Variants in FAT3 observed in about 807,000 individuals in gnomAD.
FAT3 encodes the protein FAT atypical cadherin 3.
A neutral mutation model predicts 310.2 loss-of-function variants in FAT3; 95 were observed. That is an observed-to-expected ratio of 0.31 (90% CI 0.26 to 0.36). FAT3 has a LOEUF of 0.36. FAT3 is among the 10% of genes least tolerant of loss of function. The pLI is 1.00. For synonymous variants in FAT3, 2,314 were observed against 2,192.9 expected (o/e 1.06, Z -1.54); for missense variants, 5,408 against 5,715.6 (o/e 0.95, Z 1.74).
chr11:92,662,225 C>T (rs1199584582), intron 3 of FAT3, among the ~76,000 whole-genome samples: 1 of 152,150 alleles, frequency 6.6e-6, no homozygotes, highest in African/African-American at 2.4e-5. Context: ...TGCCAGGAGC[C>T]ATTATCAGGA....
chr11:92,758,433 C>T (rs988351156), intron 4 of FAT3, among the ~76,000 whole-genome samples: 2 of 152,166 alleles, frequency 1.3e-5, no homozygotes, highest in African/African-American at 4.8e-5. Flanking sequence ...CAGGAGAGGG[C>T]ATTCCATGAA....
chr11:92,704,292 C>T (rs377199511), intron 4 of FAT3, among the ~76,000 whole-genome samples: 4 of 152,190 alleles, frequency 2.6e-5, no homozygotes, highest in South Asian at 4.1e-4. Context: ...ACAAGGCTCA[C>T]TCTGCTGCTG....
intron 3 of FAT3, among the ~76,000 whole-genome samples, chr11:92,674,905 A>G (rs1047021587): frequency 5.9e-5 from 9 of 152,184 alleles, no homozygotes; most frequent in Non-Finnish European, 1.3e-4. Flanking sequence ...GGAGCACGAT[A>G]AATGAGTTCT....
At chr11:92,499,618 T>C (rs1261030509) in intron 2 of FAT3, among the ~76,000 whole-genome samples, 1 of 152,018 alleles carries the variant, frequency 6.6e-6, no homozygotes, top group Non-Finnish European at 1.5e-5. Context: ...TGACCCTAGC[T>C]GACTGCCCAG....
chr11:92,286,104 A>C (rs956026459), intron 1 of FAT3, among the ~76,000 whole-genome samples: 11 of 152,050 alleles, frequency 7.2e-5, no homozygotes, highest in African/African-American at 2.4e-4. Context: ...GTTGACCTGA[A>C]GCTTTAGATC....
chr11:92,889,691 G>GT (rs1287987609), intron 26 of FAT3, among the ~76,000 whole-genome samples, 165 bp from the exon 27 acceptor site: 2 of 152,084 alleles, frequency 1.3e-5, no homozygotes, highest in Admixed American at 6.5e-5. Flanking sequence ...GTTTTGCTTT[G>GT]TTTTTTCCCT....
intron 4 of FAT3, among the ~76,000 whole-genome samples, chr11:92,757,167 G>A (rs1946021595): frequency 1.3e-5 from 2 of 151,854 alleles, no homozygotes; most frequent in African/African-American, 4.8e-5. Flanking sequence ...CAGGTGATCC[G>A]CCCACCTCGG....
rs1947239677 is a variant in FAT3 at position 92,798,574 on chromosome 11, G to A, written c.5561G>A (p.Arg1854Lys). 6.2e-7 allele frequency: 1 copy of A among 1,613,656 alleles called. No homozygotes were observed. Among genetic ancestry groups the A allele is most frequent in the East Asian group, 2.2e-5 (1 of 44,836 alleles). The change falls in exon 10 of 28, where the codon AGA becomes AAA. Residue 1854 changes from arginine (R) to lysine (K), a missense_variant. This residue lies in a region of FAT3 where 4,588 missense variants were observed against 4,809.8 expected (regional missense o/e 0.95). Transcript: ENST00000525166. The part of the protein sequence containing the change: ...IAHFHFHVHV[R>K]DSGSPQLTAE... ...CATTTCCATTTTCATGTGCATGTGAGAGACAGTGGTAGCCCCCAACTGACT... is the reference window on the plus strand; with the variant it reads ...CATTTCCATTTTCATGTGCATGTGAAAGACAGTGGTAGCCCCCAACTGACT...
rs535451751 is a variant in FAT3, at chr11:92,883,423, C to G, written c.12937+30C>G. ...GTAGGAAGTGGTAATGCTCACCCCTCGGTGCTTACAGGGAACCTGCAGGGG... is the reference window on the plus strand; with the variant it reads ...GTAGGAAGTGGTAATGCTCACCCCTGGGTGCTTACAGGGAACCTGCAGGGG... On this transcript the variant is annotated intron_variant, in intron 24 of 27. Coordinates refer to ENST00000525166, the MANE Select transcript of FAT3 (RefSeq NM_001367949.2). The surrounding 1 kb of genome is among the most constrained non-coding windows in gnomAD (Gnocchi z 4.2). The G allele has an allele frequency of 1.1e-5, 18 of 1,570,176 alleles. No homozygotes were observed. In the South Asian group the frequency reaches 1.5e-4, roughly 13 times the overall value.
At chr11:92,719,859 A>G (rs563428746) in intron 4 of FAT3, among the ~76,000 whole-genome samples, 1 of 152,244 alleles carries the variant, frequency 6.6e-6, no homozygotes, top group African/African-American at 2.4e-5. Flanking sequence ...ACTGGAAAAT[A>G]TTCAAGTAAG....
intron 3 of FAT3, among the ~76,000 whole-genome samples, chr11:92,554,461 CAAAAAAAAAAAAAAAAAAAA>C (rs56918849): frequency 8.4e-4 from 46 of 55,028 alleles, no homozygotes; most frequent in Admixed American, 4.8e-3. Flanking sequence ...GACTCCATCT[CAAAAAAAAAAAAAAAAAAAA>C]AAAAAAAAAA....
chr11:92,247,741 T>A (rs1018632306), intron 1 of FAT3, among the ~76,000 whole-genome samples: 6 of 150,058 alleles, frequency 4.0e-5, no homozygotes, highest in East Asian at 2.0e-4. Flanking sequence ...TTTTTTTTTT[T>A]TATATTCAAG....
intron 22 of FAT3, among the ~76,000 whole-genome samples, chr11:92,873,187 C>T (rs1270646438): frequency 6.6e-6 from 1 of 152,178 alleles, no homozygotes; most frequent in Non-Finnish European, 1.5e-5. Context: ...ATTAGTGAGT[C>T]TCATTTATCA....
intron 6 of FAT3, among the ~76,000 whole-genome samples, chr11:92,773,005 T>TATA (rs1294138432): frequency 2.6e-5 from 4 of 152,204 alleles, no homozygotes; most frequent in Admixed American, 2.6e-4. Context: ...CATTGCCCTA[T>TATA]ATGCTGTAGT....
chr11:92,548,099 G>A (rs1057089573), intron 3 of FAT3, among the ~76,000 whole-genome samples: 18 of 152,126 alleles, frequency 1.2e-4, no homozygotes, highest in African/African-American at 3.9e-4. Context: ...CTCAGTATAC[G>A]CAGAACGATC....
intron 2 of FAT3, among the ~76,000 whole-genome samples, chr11:92,487,219 C>T (rs1317879883): frequency 6.6e-6 from 1 of 151,976 alleles, no homozygotes. Flanking sequence ...GAGGGTAATC[C>T]ATGCCTTCCA....
At chr11:92,465,716 G>A (rs1172213785) in intron 2 of FAT3, among the ~76,000 whole-genome samples, 1 of 152,124 alleles carries the variant, frequency 6.6e-6, no homozygotes, top group Non-Finnish European at 1.5e-5. Context: ...CCTGTCATGG[G>A]GTGGGGGGCA....
At chr11:92,626,024 C>T (rs1257044503) in intron 3 of FAT3, among the ~76,000 whole-genome samples, 3 of 152,100 alleles carry the variant, frequency 2.0e-5, no homozygotes, top group Non-Finnish European at 4.4e-5. Flanking sequence ...AAGAGAGTAG[C>T]CAGAACTTTG....
At chr11:92,312,781 A>G (rs1371883701) in intron 1 of FAT3, among the ~76,000 whole-genome samples, 1 of 152,098 alleles carries the variant, frequency 6.6e-6, no homozygotes, top group Non-Finnish European at 1.5e-5. Flanking sequence ...GCAAAACCAT[A>G]TCCATGGACC....
Sources: allele counts gnomAD v4.1 joint callset (sites outside exome capture counted in the v4.1 genomes callset), GRCh38; gene constraint gnomAD v4.1.1; regional missense constraint gnomAD v4.1.1; non-coding constraint Gnocchi (gnomAD v3.1); transcripts MANE v1.5; gene names NCBI Gene and HGNC (gene_info 2026-07-23, HGNC 2026-07-21).